XIRP2: variants seen among roughly 807,000 people sequenced by gnomAD.
The protein encoded by XIRP2 is xin actin binding repeat containing 2.
In XIRP2, 236 loss-of-function variants were observed where a neutral mutation model predicts 277.0. The observed-to-expected ratio is 0.85, with a 90% CI of 0.77 to 0.95. The LOEUF is 0.95. Among genes scored for constraint, XIRP2 ranks in the 40% least tolerant of loss-of-function variants. The pLI is 0.00. For synonymous variants in XIRP2, 1,490 were observed against 1,416.5 expected (o/e 1.05, Z -1.17); for missense variants, 4,640 against 4,157.5 (o/e 1.12, Z -3.19).
At chr2:167,120,014 A>G (rs1691009728) in intron 2 of XIRP2, among the ~76,000 whole-genome samples, 1 of 152,032 alleles carries the variant, frequency 6.6e-6, no homozygotes, top group Non-Finnish European at 1.5e-5. Flanking sequence ...TTATAAAATG[A>G]GTTTCTAAAA....
At chr2:167,086,208 G>C (rs1295044546) in intron 2 of XIRP2, among the ~76,000 whole-genome samples, 1 of 152,060 alleles carries the variant, frequency 6.6e-6, no homozygotes, top group Non-Finnish European at 1.5e-5. Flanking sequence ...ATGAAGCTTA[G>C]TTTGGCTGGA....
chr2:167,000,982 G>A (rs750528302), intron 2 of XIRP2, among the ~76,000 whole-genome samples: 1 of 152,040 alleles, frequency 6.6e-6, no homozygotes, highest in African/African-American at 2.4e-5. Flanking sequence ...AGGAGTTCGA[G>A]GTTATAGTGT....
In XIRP2 at chr2:167,246,123, A is replaced by G. The variant is rs1695252462; in HGVS notation, c.4731A>G (p.Ile1577Met). 4.3e-6 allele frequency: 7 copies of G among 1,613,300 alleles called. No individual in the cohort carries two copies. The highest frequency in any genetic ancestry group is 2.2e-5 in the East Asian group (1 of 44,842). ...APGIIIEADE[I>M]GDVRMAKYKL... is the part of the protein sequence containing the mutation. The stretch of plus-strand genomic sequence containing the variant: ...GAATCATCATTGAAGCTGATGAAAT[A>G]GGGGATGTTCGAATGGCAAAATACA... Residue 1577 changes from isoleucine to methionine, a missense_variant, in exon 9 of 11, where the codon ATA becomes ATG. Physicochemically the swap from Ile to Met is conservative, Grantham distance 10. Transcript: ENST00000409195.
intron 3 of XIRP2, among the ~76,000 whole-genome samples, chr2:167,174,042 C>T (rs117598818): frequency 0.053 from 8,121 of 152,120 alleles, 353 homozygotes; most frequent in African/African-American, 0.12. Flanking sequence ...ATTTTCGTGT[C>T]GATGTTCATC....
intron 2 of XIRP2, among the ~76,000 whole-genome samples, chr2:166,994,246 A>G (rs1249780525): frequency 9.7e-5 from 3 of 30,926 alleles, no homozygotes; most frequent in African/African-American, 1.8e-4. Flanking sequence ...CAAACACCGC[A>G]TATTCTCACT....
At chr2:166,915,717 A>C (rs1684854095) in intron 2 of XIRP2, among the ~76,000 whole-genome samples, 1 of 152,168 alleles carries the variant, frequency 6.6e-6, no homozygotes, top group African/African-American at 2.4e-5. Context: ...CAAATGGTAA[A>C]GCATCTGATC....
chr2:167,117,215 T>C (rs1690920658), intron 2 of XIRP2, among the ~76,000 whole-genome samples: 1 of 152,128 alleles, frequency 6.6e-6, no homozygotes, highest in South Asian at 2.1e-4. Flanking sequence ...ATTTTGCCTG[T>C]TTCTTGGACA....
At chr2:166,912,887 T>C (rs553024725) in intron 2 of XIRP2, among the ~76,000 whole-genome samples, 12 of 152,136 alleles carry the variant, frequency 7.9e-5, no homozygotes, top group African/African-American at 2.9e-4. Flanking sequence ...ACCGTTTCCC[T>C]GGGTATCAGC....
chr2:167,083,845 G>C (rs1421465586), intron 2 of XIRP2, among the ~76,000 whole-genome samples: 3 of 152,044 alleles, frequency 2.0e-5, no homozygotes, highest in Non-Finnish European at 4.4e-5. Flanking sequence ...TTTGGGCTGA[G>C]ACAATGTGGT....
chr2:167,027,936 G>T lies in XIRP2; in HGVS notation c.409-107973G>T, dbSNP rs372174305. Among the ~76,000 whole-genome samples, 9 of 152,124 alleles carry T rather than the reference G, an allele frequency of 5.9e-5. No homozygotes were observed. The East Asian group carries it at 1.7e-3, about 29-fold the overall frequency. ...CCTAGCAAATATTTTAAAGAAAATA[G>T]TCATGTCAATAAATGTACAGTGAGA... On this transcript the variant is annotated intron_variant, in intron 2 of 10. Transcript: ENST00000409195.
At chr2:167,187,561 T>C (rs1693194141) in intron 3 of XIRP2, 1 of 983,310 alleles carries the variant, frequency 1.0e-6, no homozygotes, top group Admixed American at 6.2e-5. Flanking sequence ...TGACTATATG[T>C]CTGCTTCCTG....
intron 2 of XIRP2, among the ~76,000 whole-genome samples, chr2:167,013,942 A>AG (rs1187134876): frequency 1.3e-5 from 2 of 151,202 alleles, no homozygotes; most frequent in Admixed American, 1.3e-4. Flanking sequence ...GTTTCTTTAC[A>AG]GGGGAGTGAG....
At chr2:167,236,668 G>A (rs1245369488) in intron 5 of XIRP2, among the ~76,000 whole-genome samples, 1 of 151,966 alleles carries the variant, frequency 6.6e-6, no homozygotes, top group East Asian at 1.9e-4. Context: ...GAAAGAGTTA[G>A]GACTAATCTC....
intron 2 of XIRP2, among the ~76,000 whole-genome samples, chr2:166,981,071 A>G (rs893908112): frequency 1.3e-5 from 2 of 152,118 alleles, no homozygotes; most frequent in Non-Finnish European, 1.5e-5. Flanking sequence ...TATTTGCAGT[A>G]TATGTTATAT....
chr2:167,013,317 T>G (rs1329162815), intron 2 of XIRP2, among the ~76,000 whole-genome samples: 1 of 151,482 alleles, frequency 6.6e-6, no homozygotes, highest in Non-Finnish European at 1.5e-5. Flanking sequence ...TATATTATTT[T>G]TAATGTAGAG....
chr2:167,075,260 A>C (rs1409491683), intron 2 of XIRP2, among the ~76,000 whole-genome samples: 1 of 152,200 alleles, frequency 6.6e-6, no homozygotes. Context: ...ACGGAGAGAT[A>C]GAGGGAGGTG....
chr2:167,059,498 G>A (rs1246838339), intron 2 of XIRP2, among the ~76,000 whole-genome samples: 1 of 129,488 alleles, frequency 7.7e-6, no homozygotes, highest in Non-Finnish European at 1.6e-5. Context: ...AATAAAACCT[G>A]TTCTTAAAAG....
rs1695706059 is a variant in XIRP2 at position 167,257,895 on chromosome 2, G to A, written c.*78G>A. The A allele has an allele frequency of 1.2e-6, 2 of 1,610,102 alleles. No homozygotes were observed. Among genetic ancestry groups the A allele is most frequent in the African/African-American group, 1.3e-5 (1 of 74,496 alleles). On this transcript the variant is annotated 3_prime_UTR_variant, in exon 11 of 11. Coordinates refer to ENST00000409195, the MANE Select transcript of XIRP2 (RefSeq NM_152381.6). ...GCATCACTTCATGGACAAATATACT[G>A]TAAACCTCACTTTAAACAACTTTTC... is the stretch of plus-strand genomic sequence containing the variant.
chr2:167,241,137 G>A (rs1288534984), intron 7 of XIRP2, among the ~76,000 whole-genome samples: 2 of 152,082 alleles, frequency 1.3e-5, no homozygotes, highest in Non-Finnish European at 2.9e-5. Flanking sequence ...CTGTAGATAT[G>A]AGATTAGACT....
Sources: gnomAD v4.1 joint callset for allele counts (sites outside exome capture counted in the v4.1 genomes callset) on GRCh38, gnomAD v4.1.1 for gene constraint, MANE v1.5 for transcripts, NCBI Gene and HGNC (gene_info 2026-07-23, HGNC 2026-07-21) for gene names.